Variants in TLK1 observed in about 807,000 individuals in gnomAD.
TLK1 encodes the protein serine/threonine-protein kinase tousled-like 1.
TLK1 carries 24 observed loss-of-function variants against 105.3 expected under a neutral mutation model. That is an observed-to-expected ratio of 0.23 (90% confidence interval 0.17 to 0.32). The LOEUF is 0.32. TLK1 is among the 10% of genes least tolerant of loss of function. TLK1 has a pLI of 1.00. For missense variants in TLK1, 558 were observed against 910.5 expected (o/e 0.61, Z 4.98); for synonymous variants, 321 against 310.4 (o/e 1.03, Z -0.36).
At chr2:171,192,641 C>T (rs181587721) in intron 1 of TLK1, among the ~76,000 whole-genome samples, 1 of 152,166 alleles carries the variant, frequency 6.6e-6, no homozygotes, top group African/African-American at 2.4e-5. Flanking sequence ...GATCATGCCA[C>T]TGCACTCCAG....
chr2:171,143,506 C>CAAAAAAAA (rs577555732), intron 1 of TLK1, among the ~76,000 whole-genome samples: 5 of 44,304 alleles, frequency 1.1e-4, no homozygotes, highest in African/African-American at 3.2e-4. Flanking sequence ...ACTCTATCTC[C>CAAAAAAAA]AAAAAAAAAA....
At chr2:171,229,003 T>C (rs1693946792) in intron 1 of TLK1, among the ~76,000 whole-genome samples, 1 of 152,200 alleles carries the variant, frequency 6.6e-6, no homozygotes, top group African/African-American at 2.4e-5. Flanking sequence ...CTTGGGAATT[T>C]CCACTCAGTG....
chr2:171,050,039 A>G, intron 9 of TLK1, 25 bp downstream of exon 9: 1 of 1,606,706 alleles, frequency 6.2e-7, no homozygotes, highest in Non-Finnish European at 8.5e-7. Flanking sequence ...AGGGAAAGCG[A>G]AAATTTACTC....
chr2:171,065,519 G>C (rs1687946449), intron 3 of TLK1, among the ~76,000 whole-genome samples: 1 of 149,996 alleles, frequency 6.7e-6, no homozygotes, highest in Admixed American at 6.7e-5. Flanking sequence ...TTTCAAAACT[G>C]CAACTTCACT....
At chr2:171,050,406 T>C (rs999631425) in intron 8 of TLK1, among the ~76,000 whole-genome samples, 4 of 152,082 alleles carry the variant, frequency 2.6e-5, no homozygotes, top group African/African-American at 9.7e-5. Context: ...TATCCATACA[T>C]TCAAATCCAT....
chr2:171,222,775 T>G (rs1222490842), intron 1 of TLK1, among the ~76,000 whole-genome samples: 4 of 152,096 alleles, frequency 2.6e-5, no homozygotes, highest in Non-Finnish European at 5.9e-5. Flanking sequence ...CTAGTCATTT[T>G]GAGATATACA....
intron 2 of TLK1, among the ~76,000 whole-genome samples, chr2:171,093,177 A>G (rs922830727): frequency 2.0e-5 from 3 of 152,236 alleles, no homozygotes; most frequent in Non-Finnish European, 2.9e-5. Flanking sequence ...ATAACTAAAG[A>G]GTAGACACAG....
At chr2:171,199,928 G>A (rs1004645451) in intron 1 of TLK1, among the ~76,000 whole-genome samples, 5 of 152,142 alleles carry the variant, frequency 3.3e-5, no homozygotes, top group African/African-American at 1.2e-4. Context: ...TCCCACAATA[G>A]ATCATTAGTA....
At chr2:171,166,575 G>T (rs1443009413) in intron 1 of TLK1, among the ~76,000 whole-genome samples, 1 of 152,162 alleles carries the variant, frequency 6.6e-6, no homozygotes, top group Non-Finnish European at 1.5e-5. Flanking sequence ...GTTTTTTATT[G>T]ATTTGAAATT....
chr2:171,127,135 G>A (rs1027636033), intron 1 of TLK1, among the ~76,000 whole-genome samples: 5 of 151,848 alleles, frequency 3.3e-5, no homozygotes, highest in Non-Finnish European at 5.9e-5. Context: ...AAATTAGCCA[G>A]GCGTGGTGGT....
intron 3 of TLK1, among the ~76,000 whole-genome samples, chr2:171,079,813 T>A (rs1688669741): frequency 6.6e-6 from 1 of 152,142 alleles, no homozygotes; most frequent in African/African-American, 2.4e-5. Context: ...AACAAGAGGA[T>A]TCTGGATGTC....
chr2:171,037,218 G>C (rs779234855), intron 11 of TLK1, among the ~76,000 whole-genome samples: 35 of 151,998 alleles, frequency 2.3e-4, no homozygotes, highest in Admixed American at 6.6e-5. Flanking sequence ...GAGGTGGGCA[G>C]ATCACCTGAG....
intron 11 of TLK1, among the ~76,000 whole-genome samples, chr2:171,035,208 G>A (rs1686265165): frequency 6.6e-6 from 1 of 152,100 alleles, no homozygotes; most frequent in Non-Finnish European, 1.5e-5. Flanking sequence ...CAGGCGTGGT[G>A]GCAGGCACCT....
At chr2:171,076,735 TAAAA>T (rs35081277) in intron 3 of TLK1, among the ~76,000 whole-genome samples, 9 of 125,068 alleles carry the variant, frequency 7.2e-5, no homozygotes, top group Non-Finnish European at 1.0e-4. Flanking sequence ...CCATCTCTAC[TAAAA>T]AAAAAAAAAA....
At position 171,053,830 on chromosome 2, in the gene TLK1, TA is replaced by T; in HGVS notation, c.662del (p.Leu221Ter). 1 of 1,609,366 alleles carries T rather than the reference TA, an allele frequency of 6.2e-7. No homozygotes were observed. Among genetic ancestry groups the T allele is most frequent in the South Asian group, 1.1e-5 (1 of 90,428 alleles). On this transcript the variant is annotated frameshift_variant, in exon 8 of 21. Transcript: ENST00000431350. LOFTEE classifies it high-confidence loss of function. ...GGATTTTATTACTTTCTAATGCTGC[TA>T]ATTTCAGCATTGTGAGATCAGTCTA... ...IIQTDLTMLKLAALESNKIQD... is the reference protein window; with the variant it reads ...IIQTDLTMLKXAALESNKIQD...
At chr2:171,132,415 G>C (rs1691138612) in intron 1 of TLK1, among the ~76,000 whole-genome samples, 1 of 151,808 alleles carries the variant, frequency 6.6e-6, no homozygotes, top group African/African-American at 2.4e-5. Flanking sequence ...ATCAACAGTA[G>C]TCATATATCC....
At chr2:171,200,724 A>T (rs1314070417) in intron 1 of TLK1, among the ~76,000 whole-genome samples, 3 of 152,136 alleles carry the variant, frequency 2.0e-5, no homozygotes, top group African/African-American at 7.2e-5. Flanking sequence ...ATTTTTACAA[A>T]TTATTTGGGA....
chr2:171,135,021 G>A (rs948909470), intron 1 of TLK1, among the ~76,000 whole-genome samples: 19 of 152,054 alleles, frequency 1.2e-4, no homozygotes, highest in Non-Finnish European at 2.9e-5. Flanking sequence ...CTTACATGTG[G>A]AATCTAAAAA....
intron 1 of TLK1, among the ~76,000 whole-genome samples, chr2:171,229,127 C>CAT (rs1693949081): frequency 6.6e-6 from 1 of 152,186 alleles, no homozygotes; most frequent in Admixed American, 6.5e-5. Context: ...CAAGTCGTCA[C>CAT]ATGTTCTTTT....
Sources: gnomAD v4.1 joint callset for allele counts (sites outside exome capture counted in the v4.1 genomes callset) on GRCh38, gnomAD v4.1.1 for gene constraint, MANE v1.5 for transcripts, NCBI Gene and HGNC (gene_info 2026-07-23, HGNC 2026-07-21) for gene names.